The following KAZN variants were observed in gnomAD, a reference collection of about 807,000 sequenced individuals.
The protein encoded by KAZN is kazrin.
KAZN carries 40 observed loss-of-function variants against 87.4 expected under a neutral mutation model. The observed-to-expected ratio is 0.46, with a 90% CI of 0.36 to 0.60. KAZN has a LOEUF of 0.60. Among genes scored for constraint, KAZN ranks in the 20% least tolerant of loss-of-function variants. The pLI is 0.00. For missense variants in KAZN, 898 were observed against 1,073.9 expected, an observed-to-expected ratio of 0.84 and a Z score of 2.29; for synonymous variants, 466 against 458.3, an observed-to-expected ratio of 1.02 and a Z score of -0.22.
At chr1:15,078,858 T>C (rs1052431483) in intron 8 of KAZN, among the ~76,000 whole-genome samples, 5 of 152,162 alleles carry the variant, frequency 3.3e-5, no homozygotes, top group African/African-American at 7.2e-5. Flanking sequence ...GTTGCAAGAA[T>C]TCCCCCCACC....
At chr1:14,523,404 A>G (rs1283341088) in intron 2 of KAZN, among the ~76,000 whole-genome samples, 1 of 152,094 alleles carries the variant, frequency 6.6e-6, no homozygotes, top group Admixed American at 6.6e-5. Flanking sequence ...CCAACTCTCC[A>G]CCCTGCCTGG....
In KAZN at chr1:15,066,422, T is replaced by A. The variant is rs945615050; in HGVS notation, c.1222+669T>A. ...CTTTAACCACAAAACGCCATCGTCG[T>A]CAGGGTAAGCTCTGCTCTCTACAAA... On this transcript the variant is annotated intron_variant, in intron 8 of 14. Transcript: ENST00000376030. The surrounding 1 kb of genome is among the most constrained non-coding windows in gnomAD (Gnocchi z 4.3). The A allele has an allele frequency of 7.1e-6, 7 of 983,932 alleles. No homozygotes were observed. The highest frequency in any genetic ancestry group is 1.8e-5 in the African/African-American group (1 of 56,886). The allele number at this position is 983,932 out of a possible 1,614,324, so 61.0% of individuals were successfully genotyped here.
intron 1 of KAZN, among the ~76,000 whole-genome samples, chr1:14,914,569 C>T (rs552771919): frequency 5.3e-5 from 8 of 152,274 alleles, no homozygotes; most frequent in South Asian, 4.1e-4. Context: ...CAGGCCTGGC[C>T]GGCATCCTTG....
rs189889651 is a variant in KAZN, at chr1:14,861,454, C to A, written c.227-99230C>A. 7.6e-4 allele frequency among the ~76,000 whole-genome samples: 115 copies of A among 152,298 alleles called. 1 individual carries two copies. Among genetic ancestry groups the A allele is most frequent in the Admixed American group, 6.8e-3 (104 of 15,300 alleles). On this transcript the variant is annotated intron_variant, in intron 1 of 14. Coordinates refer to ENST00000376030, the MANE Select transcript of KAZN (RefSeq NM_201628.3). The stretch of plus-strand genomic sequence containing the variant: ...ATAGAAATAGCACAAGTAGGAACAA[C>A]AATGGGATGTCATCATTGAGACATA...
chr1:14,483,168 T>G (rs1450408468), intron 2 of KAZN, among the ~76,000 whole-genome samples: 1 of 152,324 alleles, frequency 6.6e-6, no homozygotes, highest in South Asian at 2.1e-4. Context: ...AAATCTGATT[T>G]ATCTTCCAAC....
At chr1:14,671,478 T>C (rs1639912788) in intron 1 of KAZN, among the ~76,000 whole-genome samples, 1 of 151,814 alleles carries the variant, frequency 6.6e-6, no homozygotes, top group South Asian at 2.1e-4. Flanking sequence ...CACTCCCCCA[T>C]TCACAAAACA....
chr1:14,445,414 G>T (rs1666932757), intron 2 of KAZN, among the ~76,000 whole-genome samples: 1 of 152,174 alleles, frequency 6.6e-6, no homozygotes, highest in Admixed American at 6.5e-5. Context: ...CGAGAAGGAA[G>T]TAATCCATCT....
chr1:14,003,201 T>G, intron 1 of KAZN, among the ~76,000 whole-genome samples: 1 of 151,028 alleles, frequency 6.6e-6, no homozygotes. Context: ...CAGGGCCTGT[T>G]AGGGGGTCGG....
intron 2 of KAZN, among the ~76,000 whole-genome samples, chr1:14,407,039 T>C (rs144410328): frequency 3.4e-4 from 52 of 152,362 alleles, no homozygotes; most frequent in African/African-American, 1.2e-3. Context: ...AATAGATCAC[T>C]TAGTTTGCTT....
chr1:14,364,377 C>T (rs975291640), intron 2 of KAZN, among the ~76,000 whole-genome samples: 2 of 152,130 alleles, frequency 1.3e-5, no homozygotes, highest in African/African-American at 4.8e-5. Context: ...AGAGCCACTA[C>T]AACGATCGAA....
chr1:14,465,670 C>G (rs2480052), intron 2 of KAZN, among the ~76,000 whole-genome samples: 4,144 of 152,186 alleles, frequency 0.027, 76 homozygotes, highest in Middle Eastern at 0.065. Flanking sequence ...GTCACTGAGG[C>G]CAGTCTTGTC....
chr1:14,852,503 C>T (rs1023639419), intron 1 of KAZN, among the ~76,000 whole-genome samples: 7 of 152,116 alleles, frequency 4.6e-5, no homozygotes, highest in Admixed American at 1.3e-4. Context: ...GCCCCCTCCC[C>T]ACCTGCAGGC....
intron 1 of KAZN, among the ~76,000 whole-genome samples, chr1:14,959,489 G>T (rs969266801): frequency 6.6e-6 from 1 of 152,170 alleles, no homozygotes; most frequent in Non-Finnish European, 1.5e-5. Context: ...CCCTCCCCAG[G>T]TCCCTCTGAG....
chr1:14,165,419 G>T (rs891217641), intron 1 of KAZN, among the ~76,000 whole-genome samples: 3 of 151,952 alleles, frequency 2.0e-5, no homozygotes, highest in Non-Finnish European at 4.4e-5. Context: ...CCACGTTTGG[G>T]CTCTTCACCT....
Position 14,599,251 on chromosome 1 carries a change from AG to A in KAZN, c.226+30del. ...AGGATCGCCCCGGCGCCCAGGGCGGAGGAAGGCGAGCAGAGCACGCCCGGCC... is the reference window on the plus strand; with the variant it reads ...AGGATCGCCCCGGCGCCCAGGGCGGAGAAGGCGAGCAGAGCACGCCCGGCC... On this transcript the variant is annotated intron_variant, in intron 1 of 14. Coordinates refer to ENST00000376030, the MANE Select transcript of KAZN (RefSeq NM_201628.3). This position sits in a 1 kb window ranked among gnomAD's most constrained non-coding sequence, Gnocchi z 4.4. 1 of 1,343,166 alleles carries A rather than the reference AG, an allele frequency of 7.4e-7. No homozygotes were observed. The highest frequency in any genetic ancestry group is 9.5e-7 in the Non-Finnish European group (1 of 1,051,820). 83.2% of individuals were successfully genotyped at this position (1,343,166 alleles called of 1,614,324 possible).
At chr1:14,959,348 C>T (rs969293883) in intron 1 of KAZN, among the ~76,000 whole-genome samples, 2 of 152,176 alleles carry the variant, frequency 1.3e-5, no homozygotes, top group Non-Finnish European at 2.9e-5. Flanking sequence ...AGGTGGAGGG[C>T]ACTGCAGAGA....
chr1:14,918,743 T>G, intron 1 of KAZN, among the ~76,000 whole-genome samples: 1 of 124,094 alleles, frequency 8.1e-6, no homozygotes, highest in African/African-American at 3.1e-5. Flanking sequence ...TATATATATA[T>G]ATATATCCTG....
rs1291606326 is a variant in KAZN, at chr1:14,599,606, C to G, written c.226+383C>G. ...CAGGGGTGAATGGCACAGTTCCCCC[C>G]ACTTCCTTAGGCTCCTTCCCAGAGA... On this transcript the variant is annotated intron_variant, in intron 1 of 14. Coordinates refer to ENST00000376030, the MANE Select transcript of KAZN (RefSeq NM_201628.3). The surrounding 1 kb of genome is among the most constrained non-coding windows in gnomAD (Gnocchi z 4.4). Among the ~76,000 whole-genome samples the G allele has an allele frequency of 2.6e-5, 4 of 152,194 alleles. No individual in the cohort carries two copies. The highest frequency in any genetic ancestry group is 5.9e-5 in the Non-Finnish European group (4 of 68,036).
intron 1 of KAZN, among the ~76,000 whole-genome samples, chr1:14,687,554 G>A (rs550848105): frequency 4.6e-5 from 7 of 152,332 alleles, no homozygotes; most frequent in African/African-American, 1.2e-4. Flanking sequence ...CCAGCAAAGA[G>A]TCCAGAGGTG....
Sources: gnomAD v4.1 joint callset for allele counts (sites outside exome capture counted in the v4.1 genomes callset) on GRCh38, gnomAD v4.1.1 for gene constraint, Gnocchi (gnomAD v3.1) non-coding constraint, MANE v1.5 for transcripts, NCBI Gene and HGNC (gene_info 2026-07-23, HGNC 2026-07-21) for gene names.